HNRNPUL2: variants seen among roughly 807,000 people sequenced by gnomAD.
HNRNPUL2 encodes heterogeneous nuclear ribonucleoprotein U like 2, also known as heterogeneous nuclear ribonucleoprotein U-like protein 2.
Under a neutral mutation model 102.2 loss-of-function variants are expected in HNRNPUL2, and 27 were observed. That is an observed-to-expected ratio of 0.26 (90% CI 0.19 to 0.36). The LOEUF (loss-of-function observed/expected upper bound fraction) is 0.36. HNRNPUL2 is among the 10% of genes least tolerant of loss of function. The pLI is 1.00. For synonymous variants in HNRNPUL2, 458 were observed against 387.2 expected, an observed-to-expected ratio of 1.18 and a Z score of -2.15; for missense variants, 936 against 981.1, an observed-to-expected ratio of 0.95 and a Z score of 0.61.
chr11:62,721,445 GAA>G, intron 8 of HNRNPUL2, 22 bp from the exon 9 acceptor site: 15 of 1,066,998 alleles, frequency 1.4e-5, no homozygotes, highest in Non-Finnish European at 1.6e-5. Flanking sequence ...GAGAGGAAGT[GAA>G]AAAAAAAAAC....
Position 62,722,726 on chromosome 11 carries a change from AC to A in HNRNPUL2, c.983-14del. 6.2e-7 allele frequency: 1 copy of A among 1,611,038 alleles called. No homozygotes were observed. Among genetic ancestry groups the A allele is most frequent in the African/African-American group, 1.3e-5 (1 of 74,982 alleles). On this transcript the variant is annotated splice_polypyrimidine_tract_variant and intron_variant, in intron 5 of 13. Coordinates refer to ENST00000301785, the MANE Select transcript of HNRNPUL2 (RefSeq NM_001079559.3). ...AATTCATCTTCACCTAGAACAGTCA[AC>A]AAATTAGTTACCTACAACCGGACTT...
intron 10 of HNRNPUL2, among the ~76,000 whole-genome samples, chr11:62,718,222 G>A (rs1228717438): frequency 6.6e-6 from 1 of 152,036 alleles, no homozygotes; most frequent in East Asian, 1.9e-4. Context: ...ACGTTTTAAG[G>A]GAATAGGAGG....
Position 62,715,923 on chromosome 11 carries a change from G to A in HNRNPUL2, c.1996C>T (p.Arg666Ter). ...CCGTAGGCCCGGTTGTCGTAGCCTC[G>A]GCGCTGCCCGCCCACTGGAAGAGAA... ...RGQGYVGGQR[R>*]GYDNRAYGQQ... The change falls in exon 12 of 14, where the codon CGA becomes TGA. Residue 666 changes from arginine (R) to a stop codon, truncating the protein, a stop_gained. Transcript: ENST00000301785. LOFTEE classifies it high-confidence loss of function. 6.2e-7 allele frequency: 1 copy of A among 1,605,288 alleles called. No individual in the cohort carries two copies. Among genetic ancestry groups the A allele is most frequent in the Non-Finnish European group, 8.5e-7 (1 of 1,175,294 alleles).
In HNRNPUL2 at chr11:62,713,880, A is replaced by T. The variant is rs2083637844; in HGVS notation, c.*1419T>A. On this transcript the variant is annotated 3_prime_UTR_variant, in exon 14 of 14. Transcript: ENST00000301785. ...GCTAGACATTGAAAGAGCATTCCAT[A>T]TCCCACCCATATTCTTGAACCCAGC... The T allele has an allele frequency of 2.6e-5, 4 of 152,362 alleles. No individual in the cohort carries two copies. The highest frequency in any genetic ancestry group is 2.1e-4 in the South Asian group (1 of 4,826). 9.4% of individuals were successfully genotyped at this position (152,362 alleles called of 1,614,324 possible). A position where few individuals can be genotyped will look rare whatever the true frequency, so the allele number is the denominator to read the frequency against.
At chr11:62,724,652 C>G (rs516580) in intron 1 of HNRNPUL2, among the ~76,000 whole-genome samples, 43,422 of 152,046 alleles carry the variant, frequency 0.29, 7,116 homozygotes, top group African/African-American at 0.46. Flanking sequence ...CAGTCAAGCA[C>G]TAGATAAAAA....
intron 4 of HNRNPUL2, 32 bp downstream of exon 4, chr11:62,723,551 AAATG>A (rs758937781): frequency 8.8e-5 from 137 of 1,550,430 alleles, no homozygotes; most frequent in Non-Finnish European, 1.0e-4. Context: ...ATCCAGTAAT[AAATG>A]AATGAATGAA....
intron 9 of HNRNPUL2, among the ~76,000 whole-genome samples, chr11:62,720,650 G>A (rs995668156): frequency 6.6e-6 from 1 of 151,544 alleles, no homozygotes; most frequent in Non-Finnish European, 1.5e-5. Flanking sequence ...AGATCATGAG[G>A]TCAGGAGATC....
Position 62,724,245 on chromosome 11 carries a change from A to T in HNRNPUL2, c.674+46T>A, listed in dbSNP as rs774059067. 2.5e-6 allele frequency: 4 copies of T among 1,612,548 alleles called. No individual in the cohort carries two copies. The South Asian group carries it at 4.4e-5, about 18-fold the overall frequency. On this transcript the variant is annotated intron_variant, in intron 2 of 13. Coordinates refer to ENST00000301785, the MANE Select transcript of HNRNPUL2 (RefSeq NM_001079559.3). Reference sequence around the variant, plus strand: ...CTCCAGTCAATACCAGGTATACCAAAATCAGAGCAGACACTCCCTTCAACG... The same window carrying T: ...CTCCAGTCAATACCAGGTATACCAATATCAGAGCAGACACTCCCTTCAACG...
At chr11:62,722,043 T>C in intron 7 of HNRNPUL2, 74 bp downstream of exon 7, 1 of 1,602,668 alleles carries the variant, frequency 6.2e-7, no homozygotes, top group East Asian at 2.2e-5. Flanking sequence ...GGTAACGCTC[T>C]GAGACCCTGG....
chr11:62,717,406 G>GTTAGAACTT (rs1565159964), intron 10 of HNRNPUL2, among the ~76,000 whole-genome samples: 1 of 152,338 alleles, frequency 6.6e-6, no homozygotes, highest in South Asian at 2.1e-4. Flanking sequence ...AAAGGGCTAT[G>GTTAGAACTT]TAGATTTACA....
chr11:62,725,623 G>C (rs2083739536), intron 1 of HNRNPUL2, among the ~76,000 whole-genome samples: 1 of 152,172 alleles, frequency 6.6e-6, no homozygotes, highest in South Asian at 2.1e-4. Flanking sequence ...TTGTACAATG[G>C]GTTCCGATTA....
chr11:62,715,963 C>G, intron 11 of HNRNPUL2, 26 bp from the exon 12 acceptor site: 2 of 1,558,754 alleles, frequency 1.3e-6, no homozygotes, highest in Non-Finnish European at 1.7e-6. Context: ...AGAGCGCGCT[C>G]AGACAGCTGG....
Position 62,715,088 on chromosome 11 carries a change from A to T in HNRNPUL2, c.*211T>A. ...TATAGAATAAGACAATATTCTTTTC[A>T]ACAAACTTTAAAAAAAATGTACAGT... is the stretch of plus-strand genomic sequence containing the variant. On this transcript the variant is annotated 3_prime_UTR_variant, in exon 14 of 14. Coordinates refer to ENST00000301785, the MANE Select transcript of HNRNPUL2 (RefSeq NM_001079559.3). 1 of 557,928 alleles carries T rather than the reference A, an allele frequency of 1.8e-6. No individual in the cohort carries two copies. The highest frequency in any genetic ancestry group is 1.9e-5 in the African/African-American group (1 of 53,078). The allele number at this position is 557,928 out of a possible 1,614,324, so 34.6% of individuals were successfully genotyped here.
intron 11 of HNRNPUL2, among the ~76,000 whole-genome samples, chr11:62,716,557 A>T (rs952592258): frequency 9.9e-5 from 15 of 152,222 alleles, no homozygotes; most frequent in Non-Finnish European, 2.1e-4. Context: ...CCCCCACAAA[A>T]AACACTGAAT....
In HNRNPUL2 at chr11:62,715,219, T is replaced by C; in HGVS notation, c.*80A>G. 1 of 841,912 alleles carries C rather than the reference T, an allele frequency of 1.2e-6. No homozygotes were observed. The highest frequency in any genetic ancestry group is 1.7e-6 in the Non-Finnish European group (1 of 585,292). The allele number at this position is 841,912 out of a possible 1,614,324, so 52.2% of individuals were successfully genotyped here. ...AGCCCCACCCCGACAGCCCCTGTTT[T>C]CCTTGGTTGTGTTTTGCGGGGGTGC... On this transcript the variant is annotated 3_prime_UTR_variant, in exon 14 of 14. Transcript: ENST00000301785.
In HNRNPUL2 at chr11:62,722,206, G is replaced by A; in HGVS notation, c.1270C>T (p.Pro424Ser). ...TGAATGAACACAAACTCTTCTGGTG[G>A]TGGGAAGAAGGGCTCCTCCTTCTGA... ...FGQKEEPFFP[P>S]PEEFVFIHAV... The change falls in exon 7 of 14, where the codon CCA becomes TCA. Residue 424 changes from proline (P) to serine (S), a missense_variant. Pro to Ser is a moderately conservative substitution (Grantham distance 74). Transcript: ENST00000301785. 6.2e-7 allele frequency: 1 copy of A among 1,614,162 alleles called. No individual in the cohort carries two copies. The highest frequency in any genetic ancestry group is 1.1e-5 in the South Asian group (1 of 91,074).
rs758917551 is a variant in HNRNPUL2 at position 62,726,865 on chromosome 11, G to A, written c.292C>T (p.Pro98Ser). ...GCCTGACCCAAGGCTTGAGCAGGGGGTGGCTCCTCGTCCTCGTCCTCAAGC... is the reference window on the plus strand; with the variant it reads ...GCCTGACCCAAGGCTTGAGCAGGGGATGGCTCCTCGTCCTCGTCCTCAAGC... The part of the protein sequence containing the change: ...ALLEDEDEEP[P>S]PAQALGQAAQ... Residue 98 changes from proline to serine, a missense_variant, in exon 1 of 14, where the codon CCC becomes TCC. This residue lies in a region of HNRNPUL2 where 327 missense variants were observed against 268.1 expected (regional missense o/e 1.22). Coordinates refer to ENST00000301785, the MANE Select transcript of HNRNPUL2 (RefSeq NM_001079559.3). The A allele has an allele frequency of 5.4e-5, 86 of 1,583,326 alleles. No homozygotes were observed. The Middle Eastern group carries it at 6.6e-4, about 12-fold the overall frequency.
intron 4 of HNRNPUL2, among the ~76,000 whole-genome samples, chr11:62,723,167 A>G (rs1205192225): frequency 6.6e-6 from 1 of 152,216 alleles, no homozygotes; most frequent in Non-Finnish European, 1.5e-5. Context: ...GTAGTAGCTT[A>G]ATGAATAAAT....
chr11:62,726,557 G>T, intron 1 of HNRNPUL2, 62 bp downstream of exon 1: 1 of 1,432,110 alleles, frequency 7.0e-7, no homozygotes, highest in Non-Finnish European at 9.2e-7. Context: ...GGTGCAGGGC[G>T]GGGTGCTAGA....
Sources: gnomAD v4.1 joint callset for allele counts (sites outside exome capture counted in the v4.1 genomes callset) on GRCh38, gnomAD v4.1.1 for gene constraint, gnomAD v4.1.1 regional missense constraint, MANE v1.5 for transcripts, NCBI Gene and HGNC (gene_info 2026-07-23, HGNC 2026-07-21) for gene names.